Variants in HMCN1 observed in about 807,000 individuals in gnomAD.
HMCN1 encodes hemicentin-1.
HMCN1 carries 321 observed loss-of-function variants against 625.9 expected under a neutral mutation model. That is an observed-to-expected ratio of 0.51 (90% CI 0.47 to 0.56). The LOEUF (loss-of-function observed/expected upper bound fraction) is 0.56, where lower values mean the gene tolerates loss of function less well. Among genes scored for constraint, HMCN1 ranks in the 20% least tolerant of loss-of-function variants. HMCN1 has a pLI of 0.00. For synonymous variants in HMCN1, 2,425 were observed against 2,417.6 expected, an observed-to-expected ratio of 1.00 and a Z score of -0.09; for missense variants, 6,588 against 6,887.3, an observed-to-expected ratio of 0.96 and a Z score of 1.54.
chr1:186,124,196 T>C (rs1012361682), intron 81 of HMCN1, among the ~76,000 whole-genome samples: 3 of 152,102 alleles, frequency 2.0e-5, no homozygotes, highest in African/African-American at 7.2e-5. Context: ...CCATAATTTC[T>C]ACCCACCATG....
In HMCN1 at chr1:186,031,465, A is replaced by T. The variant is rs556265502; in HGVS notation, c.5750-6469A>T. ...TGTTCCTTAGTTGTTGGTTTTAAACAGTTTGGTTTTGATGTCTTGGTGGGG... is the reference window on the plus strand; with the variant it reads ...TGTTCCTTAGTTGTTGGTTTTAAACTGTTTGGTTTTGATGTCTTGGTGGGG... On this transcript the variant is annotated intron_variant, in intron 36 of 106. Coordinates refer to ENST00000271588, the MANE Select transcript of HMCN1 (RefSeq NM_031935.3). 1.3e-5 allele frequency among the ~76,000 whole-genome samples: 2 copies of T among 150,356 alleles called. 1 individual carries two copies. Among genetic ancestry groups the T allele is most frequent in the South Asian group, 4.3e-4 (2 of 4,660 alleles).
chr1:186,155,660 G>T (rs1342772274), intron 97 of HMCN1, among the ~76,000 whole-genome samples: 1 of 152,036 alleles, frequency 6.6e-6, no homozygotes, highest in Non-Finnish European at 1.5e-5. Context: ...GGGGGATCTG[G>T]GTCCCACAAT....
At chr1:186,155,371 CCACTTGA>C (rs1430379040) in intron 97 of HMCN1, among the ~76,000 whole-genome samples, 2 of 152,112 alleles carry the variant, frequency 1.3e-5, no homozygotes, top group African/African-American at 4.8e-5. Flanking sequence ...GCATGCCATG[CCACTTGA>C]ACAAAAGAAA....
chr1:185,908,163 G>T (rs1666201493), intron 4 of HMCN1, among the ~76,000 whole-genome samples: 1 of 151,500 alleles, frequency 6.6e-6, no homozygotes, highest in South Asian at 2.1e-4. Flanking sequence ...TGATAAATGT[G>T]ATTGTTTCAT....
At position 186,166,856 on chromosome 1, in the gene HMCN1, A is replaced by T. The variant is rs763467990; in HGVS notation, c.15488A>T (p.Asp5163Val). 6.2e-7 allele frequency: 1 copy of T among 1,614,138 alleles called. No homozygotes were observed. Among genetic ancestry groups the T allele is most frequent in the South Asian group, 1.1e-5 (1 of 91,078 alleles). Residue 5163 changes from aspartate (D) to valine (V), a missense_variant, in exon 100 of 107, where the codon GAC becomes GTC. By Grantham distance (152) the Asp-to-Val change is radical (BLOSUM62 -3). This residue lies in a region of HMCN1 where 1,954 missense variants were observed against 2,013.1 expected (regional missense o/e 0.97). Coordinates refer to ENST00000271588, the MANE Select transcript of HMCN1 (RefSeq NM_031935.3). The part of the protein sequence containing the change: ...LGRHTCHAGQ[D>V]CDNTIGSYRC... ...AGGCATACCTGCCACGCTGGTCAGG[A>T]CTGTGACAATACGATTGGATCTTAT... is the stretch of plus-strand genomic sequence containing the variant.
chr1:185,845,084 G>A (rs1031952768), intron 1 of HMCN1, among the ~76,000 whole-genome samples: 1 of 152,214 alleles, frequency 6.6e-6, no homozygotes, highest in Non-Finnish European at 1.5e-5. Context: ...AGCCCTGAAG[G>A]TAGTTATGGT....
At chr1:185,739,055 T>G (rs1020664300) in intron 1 of HMCN1, among the ~76,000 whole-genome samples, 2 of 152,186 alleles carry the variant, frequency 1.3e-5, no homozygotes, top group African/African-American at 2.4e-5. Flanking sequence ...CAGTGTCTGT[T>G]TGCCGCTTTG....
intron 100 of HMCN1, among the ~76,000 whole-genome samples, chr1:186,168,685 T>C (rs1281659590): frequency 6.6e-6 from 1 of 152,030 alleles, no homozygotes; most frequent in Non-Finnish European, 1.5e-5. Context: ...AGTATAGACC[T>C]GAGAGAGGGA....
rs541766645 is a variant in HMCN1, at chr1:186,095,495, G to A, written c.10547G>A (p.Ser3516Asn). The change falls in exon 68 of 107, where the codon AGC becomes AAC. Residue 3516 changes from serine (S) to asparagine (N), a missense_variant. By Grantham distance (46) the Ser-to-Asn change is conservative (BLOSUM62 1). Around this residue, in one of 3 missense-constraint regions of HMCN1, gnomAD observed 4,628 missense variants for 4,853.1 expected, o/e 0.95. Coordinates refer to ENST00000271588, the MANE Select transcript of HMCN1 (RefSeq NM_031935.3). ...CIASNEAGEV[S>N]KHFILKVLEP... Reference sequence around the variant, plus strand: ...GCCTCAAATGAAGCTGGAGAAGTCAGCAAGCACTTTATCCTCAAGGTCCTA... The same window carrying A: ...GCCTCAAATGAAGCTGGAGAAGTCAACAAGCACTTTATCCTCAAGGTCCTA... The A allele has an allele frequency of 6.2e-7, 1 of 1,613,596 alleles. No homozygotes were observed. The highest frequency in any genetic ancestry group is 1.3e-5 in the African/African-American group (1 of 74,990).
intron 100 of HMCN1, among the ~76,000 whole-genome samples, chr1:186,167,290 G>A (rs377554883): frequency 5.3e-5 from 8 of 152,066 alleles, no homozygotes; most frequent in Non-Finnish European, 1.0e-4. Context: ...ATTCCATTGC[G>A]TAAGACTGCC....
intron 44 of HMCN1, 111 bp from the exon 45 acceptor site, chr1:186,055,278 GTTAT>G: frequency 1.0e-6 from 1 of 968,374 alleles, no homozygotes; most frequent in Non-Finnish European, 1.6e-6. Flanking sequence ...CTTTTCTTTA[GTTAT>G]TTATATTTTA....
chr1:185,882,868 G>A (rs1293383825), intron 4 of HMCN1, among the ~76,000 whole-genome samples: 1 of 152,022 alleles, frequency 6.6e-6, no homozygotes, highest in Non-Finnish European at 1.5e-5. Flanking sequence ...GTGAGGGAGA[G>A]CATTTACAAA....
At chr1:186,123,571 A>G (rs1661501479) in intron 81 of HMCN1, among the ~76,000 whole-genome samples, 2 of 152,274 alleles carry the variant, frequency 1.3e-5, no homozygotes, top group South Asian at 4.1e-4. Flanking sequence ...TCTTGGTTCA[A>G]ATGAATCATC....
chr1:185,807,360 G>A (rs557054102), intron 1 of HMCN1, among the ~76,000 whole-genome samples: 1 of 152,266 alleles, frequency 6.6e-6, no homozygotes, highest in South Asian at 2.1e-4. Context: ...AGCCTACATA[G>A]TTCAATAGAT....
At chr1:185,939,839 C>T (rs1481249158) in intron 11 of HMCN1, among the ~76,000 whole-genome samples, 1 of 151,854 alleles carries the variant, frequency 6.6e-6, no homozygotes, top group Admixed American at 6.6e-5. Flanking sequence ...TAATGCCTCT[C>T]AAAAAGAAAA....
chr1:185,963,589 ATAT>A lies in HMCN1; in HGVS notation c.1971-165_1971-163del, dbSNP rs557403420. On this transcript the variant is annotated intron_variant, in intron 12 of 106. Coordinates refer to ENST00000271588, the MANE Select transcript of HMCN1 (RefSeq NM_031935.3). ...GTATGTAGTCAATATTGGATACATG[ATAT>A]TATTATTATTATTGCATTTCTGCTT... Among the ~76,000 whole-genome samples, 1,062 of 152,138 alleles carry A rather than the reference ATAT, an allele frequency of 7.0e-3. 15 individuals are homozygous for A. Among genetic ancestry groups the A allele is most frequent in the African/African-American group, 0.024 (1,004 of 41,504 alleles).
chr1:185,913,269 T>C (rs1042622231), intron 6 of HMCN1, among the ~76,000 whole-genome samples: 2 of 152,310 alleles, frequency 1.3e-5, no homozygotes, highest in African/African-American at 2.4e-5. Context: ...CTGTTTTTTT[T>C]CCACCCAGTT....
At chr1:185,830,208 T>C (rs59024653) in intron 1 of HMCN1, among the ~76,000 whole-genome samples, 5,783 of 152,134 alleles carry the variant, frequency 0.038, 376 homozygotes, top group African/African-American at 0.13. Context: ...ACCTGTTCAC[T>C]CTGATGATAG....
chr1:185,939,145 C>T (rs1044235421), intron 11 of HMCN1, among the ~76,000 whole-genome samples: 8 of 152,042 alleles, frequency 5.3e-5, no homozygotes, highest in African/African-American at 1.9e-4. Context: ...GGTGAACTTC[C>T]CTCAGTGGCT....
Sources: allele counts gnomAD v4.1 joint callset (sites outside exome capture counted in the v4.1 genomes callset), GRCh38; gene constraint gnomAD v4.1.1; regional missense constraint gnomAD v4.1.1; transcripts MANE v1.5; gene names NCBI Gene and HGNC (gene_info 2026-07-23, HGNC 2026-07-21).